GAB2: variants seen among roughly 807,000 people sequenced by gnomAD.
The protein encoded by GAB2 is GRB2-associated-binding protein 2.
In GAB2, 26 loss-of-function variants were observed where a neutral mutation model predicts 65.5. That is an observed-to-expected ratio of 0.40 (90% CI 0.29 to 0.55). The LOEUF (loss-of-function observed/expected upper bound fraction) is 0.55, where lower values mean the gene tolerates loss of function less well. Among genes scored for constraint, GAB2 ranks in the 20% least tolerant of loss-of-function variants. The pLI, the probability that GAB2 is intolerant of heterozygous loss-of-function variation, is 0.53. For synonymous variants in GAB2, 321 were observed against 329.6 expected (o/e 0.97, Z 0.28); for missense variants, 884 against 875.8 (o/e 1.01, Z -0.12).
At chr11:78,302,815 T>C (rs1565150783) in intron 1 of GAB2, among the ~76,000 whole-genome samples, 1 of 152,184 alleles carries the variant, frequency 6.6e-6, no homozygotes, top group Non-Finnish European at 1.5e-5. Context: ...AACTGAGATA[T>C]ATATATGTAT....
At chr11:78,329,357 C>T (rs1168702465) in intron 1 of GAB2, among the ~76,000 whole-genome samples, 1 of 152,154 alleles carries the variant, frequency 6.6e-6, no homozygotes. Context: ...ATGGCCCTTT[C>T]ATATTTATCC....
At chr11:78,384,493 C>G (rs1156317736) in intron 1 of GAB2, among the ~76,000 whole-genome samples, 3 of 152,216 alleles carry the variant, frequency 2.0e-5, no homozygotes, top group Non-Finnish European at 4.4e-5. Flanking sequence ...GGTACTAGAG[C>G]ACTTCCTGAC....
chr11:78,235,920 C>T (rs1452919626), intron 3 of GAB2, among the ~76,000 whole-genome samples: 2 of 152,208 alleles, frequency 1.3e-5, no homozygotes, highest in East Asian at 3.8e-4. Flanking sequence ...TTCAGCAACG[C>T]CCCACTCTAC....
intron 1 of GAB2, among the ~76,000 whole-genome samples, chr11:78,308,274 T>A (rs186562108): frequency 3.9e-5 from 6 of 152,138 alleles, no homozygotes; most frequent in Non-Finnish European, 8.8e-5. Flanking sequence ...ACAGGACGCA[T>A]AGAAAGAGAG....
chr11:78,284,974 C>T (rs9651768), intron 1 of GAB2, among the ~76,000 whole-genome samples: 40,895 of 151,934 alleles, frequency 0.27, 6,614 homozygotes, highest in African/African-American at 0.44. Flanking sequence ...AAGCCTTAGA[C>T]TGAAATGAAA....
intron 3 of GAB2, among the ~76,000 whole-genome samples, chr11:78,232,321 C>T (rs1171463275): frequency 2.0e-5 from 3 of 152,186 alleles, no homozygotes; most frequent in Non-Finnish European, 4.4e-5. Flanking sequence ...AGAATTATGG[C>T]TTTTCAGGGC....
At chr11:78,387,040 GAATC>G (rs1301337077) in intron 1 of GAB2, among the ~76,000 whole-genome samples, 2 of 152,130 alleles carry the variant, frequency 1.3e-5, no homozygotes, top group African/African-American at 2.4e-5. Context: ...ATGAATGAAT[GAATC>G]AATCAATCAA....
chr11:78,269,326 G>A (rs1178485695), intron 2 of GAB2, among the ~76,000 whole-genome samples: 1 of 152,174 alleles, frequency 6.6e-6, no homozygotes, highest in African/African-American at 2.4e-5. Context: ...CAAAAGGTCA[G>A]GGAGGGAATG....
intron 1 of GAB2, among the ~76,000 whole-genome samples, chr11:78,336,532 A>G (rs1856006950): frequency 1.4e-5 from 2 of 146,030 alleles, no homozygotes; most frequent in African/African-American, 5.1e-5. Context: ...ATGAGATCAT[A>G]TCATGAGCAA....
Position 78,386,075 on chromosome 11 carries a change from T to C in GAB2, c.75+31571A>G, listed in dbSNP as rs550908762. ...GGTCAAGACTCTTAGACTCATTCTT[T>C]ATTCTTTGTCAGGAGAGATGGAAGG... is the stretch of plus-strand genomic sequence containing the variant. On this transcript the variant is annotated intron_variant, in intron 1 of 9. Coordinates refer to ENST00000361507, the MANE Select transcript of GAB2 (RefSeq NM_080491.3). Among the ~76,000 whole-genome samples the C allele has an allele frequency of 1.2e-3, 180 of 152,348 alleles. 1 individual carries two copies. Among genetic ancestry groups the C allele is most frequent in the African/African-American group, 4.1e-3 (170 of 41,584 alleles).
chr11:78,298,556 G>A (rs1162908032), intron 1 of GAB2, among the ~76,000 whole-genome samples: 1 of 152,220 alleles, frequency 6.6e-6, no homozygotes, highest in Non-Finnish European at 1.5e-5. Context: ...ATTCCCCAAA[G>A]ACCAGGTCAA....
chr11:78,220,251 G>C (rs1009540813), intron 9 of GAB2, 68 bp downstream of exon 9: 4 of 1,567,882 alleles, frequency 2.6e-6, no homozygotes, highest in Non-Finnish European at 3.5e-6. Flanking sequence ...AAGGCACCCT[G>C]GCCTCCATGA....
intron 1 of GAB2, among the ~76,000 whole-genome samples, chr11:78,370,725 ATGTG>A (rs113823389): frequency 2.1e-3 from 311 of 148,892 alleles, no homozygotes; most frequent in Middle Eastern, 6.8e-3. Context: ...GTGTGTGTGT[ATGTG>A]TGTGTGTGTG....
chr11:78,232,748 A>AAAAAGAGAT (rs1275868470), intron 3 of GAB2, among the ~76,000 whole-genome samples: 14 of 152,214 alleles, frequency 9.2e-5, no homozygotes, highest in African/African-American at 3.4e-4. Flanking sequence ...ACATAAATGA[A>AAAAAGAGAT]AAAAGAGATA....
intron 1 of GAB2, among the ~76,000 whole-genome samples, chr11:78,309,085 G>T (rs1238696372): frequency 2.0e-5 from 3 of 152,154 alleles, no homozygotes; most frequent in African/African-American, 4.8e-5. Context: ...AATTACTTAG[G>T]AGTTAGGTCT....
chr11:78,409,228 G>T (rs914093788), intron 1 of GAB2, among the ~76,000 whole-genome samples: 1 of 152,072 alleles, frequency 6.6e-6, no homozygotes, highest in Non-Finnish European at 1.5e-5. Flanking sequence ...GACTCAGCAG[G>T]TATTATATAA....
intron 3 of GAB2, among the ~76,000 whole-genome samples, chr11:78,231,435 G>A (rs1206963994): frequency 2.0e-5 from 3 of 151,580 alleles, no homozygotes; most frequent in East Asian, 1.9e-4. Flanking sequence ...TGCAACCTCC[G>A]CCTCCTGGGT....
At chr11:78,232,695 T>C (rs1864877392) in intron 3 of GAB2, among the ~76,000 whole-genome samples, 1 of 152,204 alleles carries the variant, frequency 6.6e-6, no homozygotes, top group Admixed American at 6.5e-5. Context: ...ACAGTTTTAT[T>C]TCTAAGGTGC....
chr11:78,319,425 A>G (rs1003520507), intron 1 of GAB2, among the ~76,000 whole-genome samples: 1 of 152,226 alleles, frequency 6.6e-6, no homozygotes, highest in Non-Finnish European at 1.5e-5. Context: ...AAGGAAAGAA[A>G]AAGATGTATG....
Sources: gnomAD v4.1 joint callset for allele counts (sites outside exome capture counted in the v4.1 genomes callset) on GRCh38, gnomAD v4.1.1 for gene constraint, MANE v1.5 for transcripts, NCBI Gene and HGNC (gene_info 2026-07-23, HGNC 2026-07-21) for gene names.